ABCC8: variants seen among roughly 807,000 people sequenced by gnomAD.
ABCC8 encodes ATP-binding cassette sub-family C member 8.
ABCC8 carries 137 observed loss-of-function variants against 188.0 expected under a neutral mutation model. That is an observed-to-expected ratio of 0.73 (90% CI 0.63 to 0.84). ABCC8 has a LOEUF of 0.84. ABCC8 is among the 40% of genes least tolerant of loss of function. The probability of loss-of-function intolerance (pLI) is 0.00; values close to 1 mark genes in which losing one functional copy is unlikely to be tolerated. For missense variants in ABCC8, 1,750 were observed against 2,072.7 expected (o/e 0.84, Z 3.02); for synonymous variants, 797 against 846.5 (o/e 0.94, Z 1.01).
intron 7 of ABCC8, among the ~76,000 whole-genome samples, chr11:17,452,501 G>T (rs1956851071): frequency 6.6e-6 from 1 of 152,154 alleles, no homozygotes; most frequent in African/African-American, 2.4e-5. Context: ...ACACAACCTA[G>T]ACCCTTGCCT....
In ABCC8 at chr11:17,432,229, G is replaced by T; in HGVS notation, c.1646C>A (p.Ala549Asp). 6.4e-7 allele frequency: 1 copy of T among 1,552,718 alleles called. No homozygotes were observed. Among genetic ancestry groups the T allele is most frequent in the Non-Finnish European group, 8.7e-7 (1 of 1,147,406 alleles). The change falls in exon 11 of 39, where the codon GCC (alanine) becomes GAC (aspartate). Residue 549 changes from alanine (A) to aspartate (D), a missense_variant. Ala to Asp is a moderately radical substitution (Grantham distance 126). Transcript: ENST00000389817. Reference sequence around the variant, plus strand: ...TATGAGGACAGCTGCAATGGGGATGGCCGTGTTCATGAAAACTGCAGAGGA... The same window carrying T: ...TATGAGGACAGCTGCAATGGGGATGTCCGTGTTCATGAAAACTGCAGAGGA... ...YTSISIFMNT[A>D]IPIAAVLITF...
At chr11:17,393,667 C>T (rs767245536) in intron 38 of ABCC8, 30 bp downstream of exon 38, 2 of 1,614,074 alleles carry the variant, frequency 1.2e-6, no homozygotes, top group African/African-American at 2.7e-5. Flanking sequence ...CCCTGGGTGT[C>T]CCTCTGCACC....
rs201484528 is a variant in ABCC8, at chr11:17,413,495, C to A, written c.2391-17G>T. The A allele has an allele frequency of 3.0e-3, 4,881 of 1,613,342 alleles. 14 individuals carry two copies. The highest frequency in any genetic ancestry group is 3.9e-3 in the Non-Finnish European group (4,598 of 1,180,026). ...ATCTTGTACCTGGCGTGGGTAGAGG[C>A]AGGGGATGCAGCTGGTCAGCCTGGT... On this transcript the variant is annotated splice_polypyrimidine_tract_variant and intron_variant, in intron 19 of 38. Transcript: ENST00000389817.
At chr11:17,396,768 G>A (rs887589141) in intron 33 of ABCC8, 148 bp downstream of exon 33, 13 of 1,016,740 alleles carry the variant, frequency 1.3e-5, no homozygotes, top group Non-Finnish European at 1.9e-5. Flanking sequence ...GCCCCCACAG[G>A]CCCAGGGCAG....
At position 17,407,180 on chromosome 11, in the gene ABCC8, G is replaced by A. The variant is rs374639424; in HGVS notation, c.2921-51C>T. The A allele has an allele frequency of 1.1e-4, 181 of 1,598,834 alleles. 2 individuals carry two copies. In the Middle Eastern group the frequency reaches 1.5e-3, roughly 13 times the overall value. On this transcript the variant is annotated intron_variant, in intron 24 of 38. Transcript: ENST00000389817. ...TGGCTACACATTTCCATCCCTCTGAGGGTGAATCAGGGCATTTTATCCCCA... is the reference window on the plus strand; with the variant it reads ...TGGCTACACATTTCCATCCCTCTGAAGGTGAATCAGGGCATTTTATCCCCA...
In ABCC8 at chr11:17,432,019, C is replaced by A. The variant is rs181930130; in HGVS notation, c.1671+185G>T. Among the ~76,000 whole-genome samples, 600 of 152,334 alleles carry A rather than the reference C, an allele frequency of 3.9e-3. 10 individuals are homozygous for A. Among genetic ancestry groups the A allele is most frequent in the Non-Finnish European group, 8.8e-4 (60 of 68,034 alleles). On this transcript the variant is annotated intron_variant, in intron 11 of 38. Coordinates refer to ENST00000389817, the MANE Select transcript of ABCC8 (RefSeq NM_000352.6). Reference sequence around the variant, plus strand: ...GGTCTTCCAGGCCTGGAGGCAGAGGCCCCTGTTCGGCTGGAGTTGGGGAGG... The same window carrying A: ...GGTCTTCCAGGCCTGGAGGCAGAGGACCCTGTTCGGCTGGAGTTGGGGAGG...
At chr11:17,424,596 G>A (rs1243543209) in intron 16 of ABCC8, among the ~76,000 whole-genome samples, 2 of 152,184 alleles carry the variant, frequency 1.3e-5, no homozygotes, top group African/African-American at 2.4e-5. Flanking sequence ...GAAGAAAGCA[G>A]GGCAAAGGGA....
At chr11:17,395,041 T>C in intron 36 of ABCC8, 131 bp downstream of exon 36, 1 of 1,186,002 alleles carries the variant, frequency 8.4e-7, no homozygotes, top group South Asian at 1.3e-5. Context: ...TAGTGAGAAG[T>C]AGGACTAAAT....
Position 17,404,415 on chromosome 11 carries a change from G to C in ABCC8, c.3557+97C>G. On this transcript the variant is annotated intron_variant, in intron 28 of 38. Transcript: ENST00000389817. This position sits in a 1 kb window ranked among gnomAD's most constrained non-coding sequence, Gnocchi z 4.7. ...GTTTTTTGTTTTTATTTTTTGGAGG[G>C]AACACGACCCTATTACTCTCATAAC... is the stretch of plus-strand genomic sequence containing the variant. The C allele has an allele frequency of 7.8e-7, 1 of 1,280,852 alleles. No homozygotes were observed. The highest frequency in any genetic ancestry group is 1.1e-6 in the Non-Finnish European group (1 of 877,870). 79.3% of individuals were successfully genotyped at this position (1,280,852 alleles called of 1,614,324 possible). A position where few individuals can be genotyped will look rare whatever the true frequency, so the allele number is the denominator to read the frequency against.
In ABCC8 at chr11:17,415,344, A is replaced by T; in HGVS notation, c.2256-5T>A. ...GTCGCTGTCTCCCGCTCTGGGCTGC[A>T]GCAGGGGAGGAAAGGCATACTGAGC... On this transcript the variant is annotated splice_region_variant and splice_polypyrimidine_tract_variant and intron_variant, in intron 17 of 38. Coordinates refer to ENST00000389817, the MANE Select transcript of ABCC8 (RefSeq NM_000352.6). 2.5e-6 allele frequency: 4 copies of T among 1,610,374 alleles called. No homozygotes were observed. The highest frequency in any genetic ancestry group is 2.5e-6 in the Non-Finnish European group (3 of 1,178,864).
At chr11:17,425,483 T>C (rs1323272640) in intron 16 of ABCC8, among the ~76,000 whole-genome samples, 1 of 152,102 alleles carries the variant, frequency 6.6e-6, no homozygotes, top group African/African-American at 2.4e-5. Context: ...AGCTTGCCCT[T>C]CTGCTGATTG....
At chr11:17,450,533 T>C (rs1956769891) in intron 7 of ABCC8, among the ~76,000 whole-genome samples, 1 of 150,340 alleles carries the variant, frequency 6.7e-6, no homozygotes, top group Admixed American at 6.6e-5. Flanking sequence ...TAGCTGGGAC[T>C]ACAGGCACCC....
chr11:17,426,703 T>C (rs960785166), intron 16 of ABCC8, among the ~76,000 whole-genome samples: 3 of 152,238 alleles, frequency 2.0e-5, no homozygotes, highest in Non-Finnish European at 4.4e-5. Flanking sequence ...ATTCAGAGTC[T>C]GACAGAACTG....
Position 17,442,760 on chromosome 11 carries a change from C to T in ABCC8, c.1590G>A (p.Met530Ile). 6.2e-7 allele frequency: 1 copy of T among 1,613,968 alleles called. No individual in the cohort carries two copies. The highest frequency in any genetic ancestry group is 8.5e-7 in the Non-Finnish European group (1 of 1,180,038). Residue 530 changes from methionine (M) to isoleucine (I), a missense_variant, in exon 10 of 39, where the codon ATG (methionine) becomes ATA (isoleucine). Met to Ile is a conservative substitution (Grantham distance 10). Coordinates refer to ENST00000389817, the MANE Select transcript of ABCC8 (RefSeq NM_000352.6). ...TRVETTRRKE[M>I]TSLRAFAIYT... ...AGATGGCAAAGGCCCTGAGGCTGGTCATCTCCTTCCTGCGGGTCGTCTCCA... is the reference window on the plus strand; with the variant it reads ...AGATGGCAAAGGCCCTGAGGCTGGTTATCTCCTTCCTGCGGGTCGTCTCCA...
chr11:17,408,507 A>G lies in ABCC8; in HGVS notation c.2705T>C (p.Met902Thr). The change falls in exon 23 of 39, where the codon ATG becomes ACG. Residue 902 changes from methionine to threonine, a missense_variant. By Grantham distance (81) the Met-to-Thr change is moderately conservative. Coordinates refer to ENST00000389817, the MANE Select transcript of ABCC8 (RefSeq NM_000352.6). ...YLPHADWIIA[M>T]KDGTIQREGT... Reference sequence around the variant, plus strand: ...CTCCCTCTGGATGGTGCCATCCTTCATGGCAATGATCTGGAAAGGCAGCAA... The same window carrying G: ...CTCCCTCTGGATGGTGCCATCCTTCGTGGCAATGATCTGGAAAGGCAGCAA... 1 of 1,611,586 alleles carries G rather than the reference A, an allele frequency of 6.2e-7. No individual in the cohort carries two copies. The highest frequency in any genetic ancestry group is 8.5e-7 in the Non-Finnish European group (1 of 1,179,616).
At chr11:17,393,828 T>C in intron 37 of ABCC8, 69 bp from the exon 38 acceptor site, 1 of 1,613,742 alleles carries the variant, frequency 6.2e-7, no homozygotes, top group Non-Finnish European at 8.5e-7. Context: ...GCTTGGGGGA[T>C]GTGGAGCCCA....
At chr11:17,439,832 CAG>C (rs1319221096) in intron 10 of ABCC8, among the ~76,000 whole-genome samples, 1 of 152,084 alleles carries the variant, frequency 6.6e-6, no homozygotes, top group Non-Finnish European at 1.5e-5. Context: ...CCCTTTTTTC[CAG>C]AGTCTTCTCA....
intron 6 of ABCC8, among the ~76,000 whole-genome samples, chr11:17,456,060 G>C (rs992880897): frequency 1.3e-5 from 2 of 151,990 alleles, no homozygotes; most frequent in African/African-American, 4.8e-5. Context: ...ACGGGGAGGG[G>C]ATATGATAGC....
At chr11:17,396,354 G>T (rs1024570010) in intron 33 of ABCC8, 3 of 341,566 alleles carry the variant, frequency 8.8e-6, no homozygotes, top group Non-Finnish European at 1.7e-5. Flanking sequence ...CTGGCACTTG[G>T]GTACCAACAG....
Sources: allele counts gnomAD v4.1 joint callset (sites outside exome capture counted in the v4.1 genomes callset), GRCh38; gene constraint gnomAD v4.1.1; non-coding constraint Gnocchi (gnomAD v3.1); transcripts MANE v1.5; gene names NCBI Gene and HGNC (gene_info 2026-07-23, HGNC 2026-07-21).